SMARCA2: variants seen among roughly 807,000 people sequenced by gnomAD.
SMARCA2 encodes the protein SWI/SNF-related matrix-associated actin-dependent regulator of chromatin subfamily A member 2.
Under a neutral mutation model 199.8 loss-of-function variants are expected in SMARCA2, and 61 were observed. The observed-to-expected ratio is 0.31, with a 90% confidence interval of 0.25 to 0.38. The LOEUF is 0.38. Ranked by LOEUF, SMARCA2 falls within the 10% of genes least tolerant of loss-of-function variation. The probability of loss-of-function intolerance (pLI) is 1.00; values close to 1 mark genes in which losing one functional copy is unlikely to be tolerated. For synonymous variants in SMARCA2, 935 were observed against 732.0 expected (o/e 1.28, Z -4.48); for missense variants, 1,344 against 2,012.2 (o/e 0.67, Z 6.35).
intron 3 of SMARCA2, among the ~76,000 whole-genome samples, chr9:2,034,126 T>C (rs1308363508): frequency 6.6e-6 from 1 of 151,546 alleles, no homozygotes; most frequent in Non-Finnish European, 1.5e-5. Context: ...ATGCCTGTAG[T>C]CTCAGCTACT....
chr9:2,087,222 T>C, intron 18 of SMARCA2, 151 bp downstream of exon 18: 1 of 884,364 alleles, frequency 1.1e-6, no homozygotes, highest in Non-Finnish European at 1.7e-6. Context: ...GACATGGTCT[T>C]GTGGTGGGGT....
intron 29 of SMARCA2, among the ~76,000 whole-genome samples, chr9:2,175,603 A>AAAAT (rs1240100624): frequency 6.6e-6 from 1 of 152,222 alleles, no homozygotes; most frequent in Admixed American, 6.5e-5. Flanking sequence ...TTTCTTTGGA[A>AAAAT]AAATAAAATT....
At chr9:2,149,809 T>C (rs1237046131) in intron 27 of SMARCA2, among the ~76,000 whole-genome samples, 2 of 151,682 alleles carry the variant, frequency 1.3e-5, no homozygotes, top group African/African-American at 2.4e-5. Flanking sequence ...GCCACATATA[T>C]GTAGCTCTTA....
chr9:2,192,090 T>C (rs559292475), intron 33 of SMARCA2: 1 of 158,728 alleles, frequency 6.3e-6, no homozygotes, highest in East Asian at 1.9e-4. Context: ...TAACTCAGTC[T>C]AGTGTGCTAT....
chr9:2,137,914 C>T (rs1258760809), intron 27 of SMARCA2, among the ~76,000 whole-genome samples: 1 of 152,142 alleles, frequency 6.6e-6, no homozygotes, highest in Non-Finnish European at 1.5e-5. Context: ...TCATTCTCTC[C>T]TGTTAGATTC....
At chr9:2,046,696 T>C (rs938116176) in intron 4 of SMARCA2, among the ~76,000 whole-genome samples, 1 of 152,174 alleles carries the variant, frequency 6.6e-6, no homozygotes, top group Non-Finnish European at 1.5e-5. Context: ...GGGCTTCAGA[T>C]TGGGATAGAG....
chr9:2,033,161 T>G, intron 3 of SMARCA2, 80 bp downstream of exon 3: 1 of 1,489,006 alleles, frequency 6.7e-7, no homozygotes, highest in Non-Finnish European at 9.2e-7. Context: ...TAATTATGAA[T>G]TCCAAAGAAT....
intron 27 of SMARCA2, among the ~76,000 whole-genome samples, chr9:2,130,246 G>T (rs186691681): frequency 2.5e-4 from 38 of 152,284 alleles, no homozygotes; most frequent in Admixed American, 1.9e-3. Context: ...ATGGAAGAAG[G>T]CTCTCCTCCT....
chr9:2,069,845 C>G (rs928547822), intron 9 of SMARCA2, among the ~76,000 whole-genome samples: 2 of 152,066 alleles, frequency 1.3e-5, no homozygotes, highest in African/African-American at 4.8e-5. Flanking sequence ...GGGTATATTG[C>G]ATGATGCTGA....
In SMARCA2 at chr9:2,039,796, A is replaced by AGCAGCAGCC. The variant is rs749022512; in HGVS notation, c.694_695insCGCAGCAGC (p.Gln231_Gln232insProGlnGln). The AGCAGCAGCC allele has an allele frequency of 1.9e-5, 29 of 1,533,804 alleles. No individual in the cohort carries two copies. The South Asian group carries it at 3.1e-4, about 17-fold the overall frequency. ...CAGCAACAGCAGCAGCAGCAGCAGC[A>AGCAGCAGCC]GCAGCAGCAGCAGCAGCAGCAACAG... On this transcript the variant is annotated inframe_insertion, in exon 4 of 34. Coordinates refer to ENST00000349721, the MANE Select transcript of SMARCA2 (RefSeq NM_003070.5). This position sits in a 1 kb window ranked among gnomAD's most constrained non-coding sequence, Gnocchi z 4.8.
intron 31 of SMARCA2, among the ~76,000 whole-genome samples, chr9:2,184,257 C>T (rs1237602745): frequency 6.6e-6 from 1 of 151,946 alleles, no homozygotes; most frequent in Non-Finnish European, 1.5e-5. Flanking sequence ...TAAGATCATT[C>T]GAGACTCACA....
intron 32 of SMARCA2, among the ~76,000 whole-genome samples, chr9:2,190,851 T>A (rs1317371590): frequency 6.6e-6 from 1 of 152,254 alleles, no homozygotes; most frequent in Admixed American, 6.5e-5. Context: ...TGGAGTTATC[T>A]ACATGGTAAA....
At chr9:2,069,527 C>G (rs974427991) in intron 9 of SMARCA2, among the ~76,000 whole-genome samples, 11 of 151,198 alleles carry the variant, frequency 7.3e-5, no homozygotes, top group Non-Finnish European at 1.3e-4. Context: ...CCACCGCACT[C>G]CAGCCTGGGC....
rs928863579 is a variant in SMARCA2 at position 2,038,988 on chromosome 9, G to A, written c.356-478G>A. Among the ~76,000 whole-genome samples, 5 of 152,142 alleles carry A rather than the reference G, an allele frequency of 3.3e-5. No homozygotes were observed. The East Asian group carries it at 5.8e-4, about 18-fold the overall frequency. On this transcript the variant is annotated intron_variant, in intron 3 of 33. Coordinates refer to ENST00000349721, the MANE Select transcript of SMARCA2 (RefSeq NM_003070.5). ...GGAGCTACTTTTACCATTCAGTACT[G>A]TCCCTTGGTTAGTGGTGAACAACAA...
chr9:2,047,113 GTGT>G (rs1819887946), intron 4 of SMARCA2, 113 bp from the exon 5 acceptor site: 1 of 710,916 alleles, frequency 1.4e-6, no homozygotes. Flanking sequence ...CTTCCCTCAG[GTGT>G]TTAAGACACT....
chr9:2,114,027 GCC>G (rs975728767), intron 24 of SMARCA2, among the ~76,000 whole-genome samples: 24 of 152,206 alleles, frequency 1.6e-4, no homozygotes, highest in African/African-American at 5.3e-4. Flanking sequence ...TTACTATTGC[GCC>G]CATTTTAGAG....
chr9:2,127,578 A>G (rs1208157641), intron 27 of SMARCA2, among the ~76,000 whole-genome samples: 3 of 152,158 alleles, frequency 2.0e-5, no homozygotes, highest in Admixed American at 2.0e-4. Flanking sequence ...AGTGGGGAAA[A>G]CAACATGGAG....
intron 9 of SMARCA2, among the ~76,000 whole-genome samples, chr9:2,064,925 C>G (rs1175378662): frequency 6.6e-6 from 1 of 152,256 alleles, no homozygotes; most frequent in East Asian, 1.9e-4. Context: ...CGGCTCACGC[C>G]TGTAATCCCA....
At chr9:2,073,115 C>T (rs1821161809) in intron 10 of SMARCA2, 97 bp from the exon 11 acceptor site, 6 of 1,430,360 alleles carry the variant, frequency 4.2e-6, no homozygotes, top group Non-Finnish European at 4.8e-6. Context: ...AATAAGGTTT[C>T]ACATGCTGGG....
Sources: gnomAD v4.1 joint callset for allele counts (sites outside exome capture counted in the v4.1 genomes callset) on GRCh38, gnomAD v4.1.1 for gene constraint, Gnocchi (gnomAD v3.1) non-coding constraint, MANE v1.5 for transcripts, NCBI Gene and HGNC (gene_info 2026-07-23, HGNC 2026-07-21) for gene names.